CADPS: variants seen among roughly 807,000 people sequenced by gnomAD.
CADPS encodes calcium-dependent secretion activator 1.
In CADPS, 57 loss-of-function variants were observed where a neutral mutation model predicts 167.3. The ratio of observed to expected loss-of-function variants is 0.34; its 90% CI spans 0.28 to 0.42. The LOEUF is 0.42. Among genes scored for constraint, CADPS ranks in the 20% least tolerant of loss-of-function variants. The probability of loss-of-function intolerance (pLI) is 1.00; values close to 1 mark genes in which losing one functional copy is unlikely to be tolerated. For synonymous variants in CADPS, 676 were observed against 635.3 expected (o/e 1.06, Z -0.96); for missense variants, 1,414 against 1,738.1 (o/e 0.81, Z 3.32).
chr3:62,513,654 C>T (rs1174164535), intron 16 of CADPS: 4 of 1,592,010 alleles, frequency 2.5e-6, no homozygotes, highest in East Asian at 2.3e-5. Context: ...TTAAATCCAT[C>T]ACTTGGGAGG....
intron 10 of CADPS, among the ~76,000 whole-genome samples, chr3:62,550,644 A>G (rs990073476): frequency 2.0e-5 from 3 of 152,160 alleles, no homozygotes; most frequent in Admixed American, 6.5e-5. Flanking sequence ...CAGATGATTC[A>G]GATGGCGCTG....
intron 6 of CADPS, among the ~76,000 whole-genome samples, chr3:62,603,920 G>A (rs1047624658): frequency 5.9e-5 from 9 of 151,708 alleles, no homozygotes; most frequent in Admixed American, 2.0e-4. Context: ...TCCACCTCCC[G>A]GGTTCATGCC....
chr3:62,766,091 G>T, intron 1 of CADPS, 107 bp from the exon 2 acceptor site: 1 of 656,048 alleles, frequency 1.5e-6, no homozygotes. Flanking sequence ...GAGCTGGCTT[G>T]TATAGGTGTG....
At chr3:62,473,884 C>A (rs11923718) in intron 24 of CADPS, 17,120 of 278,286 alleles carry the variant, frequency 0.062, 1,575 homozygotes, top group African/African-American at 0.25. Context: ...GTTCGAGACA[C>A]CAGCCTAATA....
intron 3 of CADPS, among the ~76,000 whole-genome samples, chr3:62,749,603 T>C (rs1419486270): frequency 6.6e-6 from 1 of 152,072 alleles, no homozygotes; most frequent in Non-Finnish European, 1.5e-5. Context: ...CTACTGTGAG[T>C]TGATAAGAGT....
chr3:62,662,245 A>G, intron 4 of CADPS, 69 bp downstream of exon 4: 1 of 1,272,720 alleles, frequency 7.9e-7, no homozygotes, highest in Non-Finnish European at 1.2e-6. Flanking sequence ...AGAGGCTGTC[A>G]ATAATCAATG....
intron 1 of CADPS, among the ~76,000 whole-genome samples, chr3:62,795,235 A>G (rs147717807): frequency 1.9e-3 from 285 of 152,214 alleles, no homozygotes; most frequent in African/African-American, 6.2e-3. Flanking sequence ...CCCTTCTGGT[A>G]TCATTTTTGA....
intron 6 of CADPS, among the ~76,000 whole-genome samples, chr3:62,596,940 T>C (rs2059023573): frequency 6.6e-6 from 1 of 152,204 alleles, no homozygotes; most frequent in Non-Finnish European, 1.5e-5. Context: ...GAACCCAAAA[T>C]CTCATTTTAA....
chr3:62,740,821 C>T (rs531586189), intron 3 of CADPS, among the ~76,000 whole-genome samples: 2 of 152,274 alleles, frequency 1.3e-5, no homozygotes, highest in South Asian at 4.1e-4. Flanking sequence ...TTATTAATAT[C>T]TGTTTTATAG....
intron 13 of CADPS, among the ~76,000 whole-genome samples, chr3:62,522,329 A>G (rs377695486): frequency 1.1e-4 from 16 of 152,058 alleles, no homozygotes; most frequent in African/African-American, 3.9e-4. Context: ...TTCAGACACA[A>G]GGTCTCATTA....
chr3:62,825,280 T>C (rs1307597311), intron 1 of CADPS, among the ~76,000 whole-genome samples: 1 of 152,136 alleles, frequency 6.6e-6, no homozygotes, highest in Non-Finnish European at 1.5e-5. Flanking sequence ...AGATATGTTA[T>C]TAGGCACTTA....
rs1010194130 is a variant in CADPS at position 62,512,771 on chromosome 3, A to G, written c.2582-3T>C. ...TTCACCTGCATCCTTTTGATTCTCT[A>G]TTTGAAAGAGAGAGCACAACAAGGA... On this transcript the variant is annotated splice_region_variant and splice_polypyrimidine_tract_variant and intron_variant, in intron 16 of 29. Coordinates refer to ENST00000383710, the MANE Select transcript of CADPS (RefSeq NM_003716.4). The G allele has an allele frequency of 6.2e-7, 1 of 1,604,290 alleles. No individual in the cohort carries two copies. The highest frequency in any genetic ancestry group is 2.2e-5 in the East Asian group (1 of 44,682).
chr3:62,641,677 C>T (rs563394853), intron 6 of CADPS, among the ~76,000 whole-genome samples: 111 of 152,124 alleles, frequency 7.3e-4, no homozygotes, highest in African/African-American at 2.4e-3. Flanking sequence ...AAAATAAGTA[C>T]GTCTCATGAA....
At chr3:62,782,600 G>A (rs190140682) in intron 1 of CADPS, among the ~76,000 whole-genome samples, 3 of 152,240 alleles carry the variant, frequency 2.0e-5, no homozygotes, top group Admixed American at 1.3e-4. Flanking sequence ...ATGAATGATG[G>A]TCACATTTCT....
rs538211485 is a variant in CADPS, at chr3:62,809,919, T to C, written c.442-43935A>G. Among the ~76,000 whole-genome samples, 10 of 152,288 alleles carry C rather than the reference T, an allele frequency of 6.6e-5. No individual in the cohort carries two copies. The East Asian group carries it at 7.7e-4, about 12-fold the overall frequency. ...TACAATTACGTCTTAACATAAAACA[T>C]TGCCTTTTAATTTTGCTGCAATTGC... On this transcript the variant is annotated intron_variant, in intron 1 of 29. Coordinates refer to ENST00000383710, the MANE Select transcript of CADPS (RefSeq NM_003716.4).
intron 1 of CADPS, among the ~76,000 whole-genome samples, chr3:62,797,755 T>C (rs117481004): frequency 0.011 from 1,618 of 152,022 alleles, 45 homozygotes; most frequent in South Asian, 0.1. Flanking sequence ...TCTGTGTAAC[T>C]GACCCCCAGG....
intron 26 of CADPS, among the ~76,000 whole-genome samples, chr3:62,452,202 A>G (rs1173130500): frequency 1.3e-5 from 2 of 152,214 alleles, no homozygotes; most frequent in African/African-American, 4.8e-5. Flanking sequence ...TTCAAAAGGC[A>G]TAGTCCCTGG....
chr3:62,724,285 C>T (rs1030702648), intron 3 of CADPS, among the ~76,000 whole-genome samples: 2 of 152,292 alleles, frequency 1.3e-5, no homozygotes, highest in Admixed American at 1.3e-4. Context: ...GCTTTTATCT[C>T]AGTCACTCTC....
intron 3 of CADPS, among the ~76,000 whole-genome samples, chr3:62,665,124 C>A (rs2074180374): frequency 6.6e-6 from 1 of 152,188 alleles, no homozygotes; most frequent in Non-Finnish European, 1.5e-5. Flanking sequence ...ACCTGTTTTA[C>A]AGCCTTTTCT....
Sources: gnomAD v4.1 joint callset for allele counts (sites outside exome capture counted in the v4.1 genomes callset) on GRCh38, gnomAD v4.1.1 for gene constraint, MANE v1.5 for transcripts, NCBI Gene and HGNC (gene_info 2026-07-23, HGNC 2026-07-21) for gene names.